The following CASK variants were observed in gnomAD, a reference collection of about 807,000 sequenced individuals.
The protein encoded by CASK is peripheral plasma membrane protein CASK.
Under a neutral mutation model 82.9 loss-of-function variants are expected in CASK, and 4 were observed. The observed-to-expected ratio is 0.05, with a 90% CI of 0.02 to 0.11. The LOEUF (loss-of-function observed/expected upper bound fraction) is 0.11, where lower values mean the gene tolerates loss of function less well. CASK is among the 10% of genes least tolerant of loss of function. CASK has a pLI of 1.00. For missense variants in CASK, 358 were observed against 720.9 expected, an observed-to-expected ratio of 0.50 and a Z score of 5.76; for synonymous variants, 259 against 253.5, an observed-to-expected ratio of 1.02 and a Z score of -0.20.
chrX:41,844,999 C>T (rs769480884), intron 2 of CASK, among the ~76,000 whole-genome samples: 39 of 111,528 alleles, frequency 3.5e-4, no homozygotes, highest in African/African-American at 1.1e-3. Context: ...AATTTGCTTC[C>T]GTTATTGATT....
chrX:41,789,065 T>C (rs2069667819), intron 2 of CASK, among the ~76,000 whole-genome samples: 1 of 111,556 alleles, frequency 9.0e-6, no homozygotes, highest in Non-Finnish European at 1.9e-5. Context: ...AATAATGCCA[T>C]GCTGGGTTTG....
At chrX:41,807,408 G>A (rs954785761) in intron 2 of CASK, among the ~76,000 whole-genome samples, 1 of 111,611 alleles carries the variant, frequency 9.0e-6, no homozygotes, top group African/African-American at 3.3e-5. Context: ...TTGAAGTAAA[G>A]AGCAGTGAAA....
intron 17 of CASK, among the ~76,000 whole-genome samples, chrX:41,560,428 T>A (rs193298743): frequency 1.1e-3 from 113 of 106,686 alleles, no homozygotes; most frequent in African/African-American, 3.6e-3. Context: ...CATGCCTTGC[T>A]AATGTTTGTA....
chrX:41,535,558 G>A (rs942164941), intron 22 of CASK, among the ~76,000 whole-genome samples: 1 of 109,711 alleles, frequency 9.1e-6, no homozygotes, highest in African/African-American at 3.3e-5. Context: ...GCTTATCAAT[G>A]AGCATCTCAC....
chrX:41,587,242 A>G (rs2065670295), intron 13 of CASK: 1 of 265,429 alleles, frequency 3.8e-6, no homozygotes, highest in Admixed American at 6.1e-5. Flanking sequence ...GCAAAATGAC[A>G]AGGCTGCAAC....
chrX:41,578,612 AG>A, intron 14 of CASK, 84 bp from the exon 15 acceptor site: 1 of 724,418 alleles, frequency 1.4e-6, no homozygotes, highest in Non-Finnish European at 2.0e-6. Context: ...ATTTTGAGAC[AG>A]GGTCTCACTC....
At chrX:41,607,185 C>T (rs2065975661) in intron 12 of CASK, among the ~76,000 whole-genome samples, 1 of 112,620 alleles carries the variant, frequency 8.9e-6, no homozygotes, top group Admixed American at 9.4e-5. Context: ...ACAATTTATA[C>T]CAAACAGTGC....
At chrX:41,761,820 A>C (rs777524715) in intron 3 of CASK, among the ~76,000 whole-genome samples, 1 of 112,433 alleles carries the variant, frequency 8.9e-6, no homozygotes, top group South Asian at 3.7e-4. Context: ...CATAGACAAA[A>C]GCCAGCAGTT....
At chrX:41,888,639 ATATATATGTGTATATATGTGTGTG>A (rs2072091138) in intron 1 of CASK, among the ~76,000 whole-genome samples, 1 of 106,154 alleles carries the variant, frequency 9.4e-6, no homozygotes, top group Admixed American at 1.0e-4. Context: ...ATATGTATGT[ATATATATGTGTATATATGTGTGTG>A]TATATATGTA....
At chrX:41,716,936 A>T (rs1467504138) in intron 5 of CASK, among the ~76,000 whole-genome samples, 1 of 110,962 alleles carries the variant, frequency 9.0e-6, no homozygotes, top group Non-Finnish European at 1.9e-5. Context: ...CTTGTTCTTC[A>T]TGTCTCCTTG....
intron 1 of CASK, among the ~76,000 whole-genome samples, chrX:41,859,248 A>G (rs2071429825): frequency 8.9e-6 from 1 of 111,830 alleles, no homozygotes; most frequent in African/African-American, 3.3e-5. Flanking sequence ...AAAGATGGGG[A>G]AAGTGAAGGC....
intron 12 of CASK, among the ~76,000 whole-genome samples, chrX:41,601,288 A>G (rs887168084): frequency 5.4e-5 from 6 of 111,794 alleles, no homozygotes; most frequent in Non-Finnish European, 3.8e-5. Flanking sequence ...AACAAAAAAG[A>G]CCAAAAAATT....
At chrX:41,574,881 C>A (rs935682830) in intron 15 of CASK, among the ~76,000 whole-genome samples, 2 of 112,378 alleles carry the variant, frequency 1.8e-5, no homozygotes, top group East Asian at 5.5e-4. Flanking sequence ...ACTCCACAAA[C>A]TATAACTTTG....
chrX:41,749,139 A>G (rs2068744076), intron 3 of CASK, among the ~76,000 whole-genome samples: 1 of 108,676 alleles, frequency 9.2e-6, no homozygotes, highest in Non-Finnish European at 1.9e-5. Flanking sequence ...ATACAAAAAA[A>G]TTAGCCAGGC....
At chrX:41,603,352 G>A (rs2065917551) in intron 12 of CASK, among the ~76,000 whole-genome samples, 1 of 111,629 alleles carries the variant, frequency 9.0e-6, no homozygotes, top group African/African-American at 3.3e-5. Flanking sequence ...TTCTAAATAT[G>A]GCTACTAATT....
intron 2 of CASK, among the ~76,000 whole-genome samples, chrX:41,804,829 A>G (rs1459672170): frequency 1.8e-5 from 2 of 110,119 alleles, no homozygotes; most frequent in African/African-American, 6.6e-5. Context: ...AACTTCATTT[A>G]TTTAGTCAAT....
At chrX:41,729,749 C>CAACA (rs2068342837) in intron 5 of CASK, 2 of 14,114 alleles carry the variant, frequency 1.4e-4, no homozygotes, top group African/African-American at 5.7e-4. Context: ...GACTCTGTCT[C>CAACA]AAAAAAAAAA....
chrX:41,564,659 A>G (rs10127136), intron 16 of CASK, among the ~76,000 whole-genome samples: 1 of 112,166 alleles, frequency 8.9e-6, no homozygotes. Flanking sequence ...CCTGCTGTCA[A>G]TATTAGACAG....
intron 2 of CASK, among the ~76,000 whole-genome samples, chrX:41,820,610 C>A (rs1372339118): frequency 9.0e-6 from 1 of 110,787 alleles, no homozygotes; most frequent in East Asian, 2.8e-4. Context: ...AAAAGTAACA[C>A]CAATCAAAAT....
Sources: gnomAD v4.1 joint callset for allele counts (sites outside exome capture counted in the v4.1 genomes callset) on GRCh38, gnomAD v4.1.1 for gene constraint, MANE v1.5 for transcripts, NCBI Gene and HGNC (gene_info 2026-07-23, HGNC 2026-07-21) for gene names.